ZPLD1: variants seen among roughly 807,000 people sequenced by gnomAD.
ZPLD1 encodes the protein zona pellucida-like domain-containing protein 1.
In ZPLD1, 34 loss-of-function variants were observed where a neutral mutation model predicts 47.2. The observed-to-expected ratio is 0.72, with a 90% CI of 0.55 to 0.96. ZPLD1 has a LOEUF of 0.96. ZPLD1 is among the 40% of genes least tolerant of loss of function. The pLI is 0.00. For missense variants in ZPLD1, 512 were observed against 505.8 expected (o/e 1.01, Z -0.12); for synonymous variants, 176 against 186.2 (o/e 0.95, Z 0.45).
At chr3:102,414,279 G>T (rs543201612) in intron 7 of ZPLD1, among the ~76,000 whole-genome samples, 276 of 151,904 alleles carry the variant, frequency 1.8e-3, no homozygotes, top group African/African-American at 6.5e-3. Flanking sequence ...AGAATTGTTG[G>T]TTTTAAAAGG....
At chr3:102,464,798 A>G (rs933411947) in intron 8 of ZPLD1, among the ~76,000 whole-genome samples, 2 of 152,196 alleles carry the variant, frequency 1.3e-5, no homozygotes, top group African/African-American at 4.8e-5. Context: ...TGAATGTAAT[A>G]TATATCTGGG....
intron 9 of ZPLD1, among the ~76,000 whole-genome samples, chr3:102,469,846 A>T (rs1374980550): frequency 6.6e-6 from 1 of 152,248 alleles, no homozygotes; most frequent in Non-Finnish European, 1.5e-5. Flanking sequence ...GAATAAAAAA[A>T]ATTCTATTCT....
chr3:102,402,471 AG>A (rs1706633032), intron 7 of ZPLD1, among the ~76,000 whole-genome samples: 1 of 152,068 alleles, frequency 6.6e-6, no homozygotes, highest in Non-Finnish European at 1.5e-5. Context: ...GCTGTGTAAT[AG>A]TACAGAGTAT....
rs149880792 is a variant in ZPLD1, at chr3:102,405,791, C to T, written c.-156-12269C>T. Among the ~76,000 whole-genome samples, 688 of 151,926 alleles carry T rather than the reference C, an allele frequency of 4.5e-3. 8 individuals carry two copies. Among genetic ancestry groups the T allele is most frequent in the Non-Finnish European group, 7.1e-3 (484 of 67,904 alleles). ...TCCTGTTCAATTTCTTTAAAAGAGG[C>T]CTGGATTGGGGGTGAGATGGTTTTG... On this transcript the variant is annotated intron_variant, in intron 7 of 17. Coordinates refer to the ZPLD1 transcript ENST00000491959.
At chr3:102,460,816 A>T (rs1039004451) in intron 6 of ZPLD1, among the ~76,000 whole-genome samples, 5 of 152,078 alleles carry the variant, frequency 3.3e-5, no homozygotes, top group African/African-American at 1.2e-4. Flanking sequence ...TGTTGTAAAG[A>T]AAGTAAGCAT....
chr3:102,438,607 T>C lies in ZPLD1; in HGVS notation c.106+14T>C. The C allele has an allele frequency of 6.4e-7, 1 of 1,571,452 alleles. No homozygotes were observed. The highest frequency in any genetic ancestry group is 8.8e-7 in the Non-Finnish European group (1 of 1,142,856). ...GTAGATTTCCTGGTAAGTGTAAGCCTAATCTATTCTCTAGTTGTTTCTGGA... is the reference window on the plus strand; with the variant it reads ...GTAGATTTCCTGGTAAGTGTAAGCCCAATCTATTCTCTAGTTGTTTCTGGA... On this transcript the variant is annotated intron_variant, in intron 3 of 11. Coordinates refer to ENST00000466937, the MANE Select transcript of ZPLD1 (RefSeq NM_001329788.2).
chr3:102,402,576 A>G (rs1052983503), intron 7 of ZPLD1, among the ~76,000 whole-genome samples: 3 of 152,018 alleles, frequency 2.0e-5, no homozygotes, highest in Non-Finnish European at 4.4e-5. Flanking sequence ...AGCTCAGTCT[A>G]TTTAAGGTAG....
intron 3 of ZPLD1, among the ~76,000 whole-genome samples, chr3:102,447,668 A>C (rs964678073): frequency 6.6e-6 from 1 of 152,224 alleles, no homozygotes; most frequent in Non-Finnish European, 1.5e-5. Context: ...ACTGAAAATG[A>C]TGCAGTCTAT....
Position 102,453,016 on chromosome 3 carries a change from G to A in ZPLD1, c.204G>A (p.Leu68=), listed in dbSNP as rs200244028. ...TCTCGGGTTATTCGGAAACAGATCTGGCACTGAATGGAAGGCATGGGGACT... is the reference window on the plus strand; with the variant it reads ...TCTCGGGTTATTCGGAAACAGATCTAGCACTGAATGGAAGGCATGGGGACT... ...VLFSGYSETD[L]ALNGRHGDSH... is the part of the protein sequence containing the mutation. Residue 68 remains leucine (L), a synonymous_variant, in exon 4 of 12, where the codon CTG becomes CTA. Coordinates refer to ENST00000466937, the MANE Select transcript of ZPLD1 (RefSeq NM_001329788.2). 1 of 1,614,112 alleles carries A rather than the reference G, an allele frequency of 6.2e-7. No homozygotes were observed. Among genetic ancestry groups the A allele is most frequent in the African/African-American group, 1.3e-5 (1 of 75,038 alleles).
chr3:102,391,053 G>A (rs1314161372), intron 6 of ZPLD1, among the ~76,000 whole-genome samples: 1 of 152,050 alleles, frequency 6.6e-6, no homozygotes, highest in Admixed American at 6.6e-5. Context: ...CACATGCTTT[G>A]CTTTTGGTAT....
chr3:102,453,379 A>G (rs1707368683), intron 4 of ZPLD1, among the ~76,000 whole-genome samples: 1 of 152,230 alleles, frequency 6.6e-6, no homozygotes, highest in African/African-American at 2.4e-5. Flanking sequence ...CCCTCTAAGC[A>G]GCATTATTTT....
At chr3:102,411,675 C>T (rs1323558962) in intron 7 of ZPLD1, among the ~76,000 whole-genome samples, 1 of 151,680 alleles carries the variant, frequency 6.6e-6, no homozygotes, top group East Asian at 1.9e-4. Flanking sequence ...AATGAGTCAA[C>T]TCAAATAGAA....
intron 10 of ZPLD1, among the ~76,000 whole-genome samples, chr3:102,474,278 G>A (rs1707726023): frequency 6.6e-6 from 1 of 152,136 alleles, no homozygotes. Flanking sequence ...ACCAACACCA[G>A]AAAACAATAC....
intron 4 of ZPLD1, among the ~76,000 whole-genome samples, chr3:102,453,341 C>T (rs909914226): frequency 1.3e-5 from 2 of 152,160 alleles, no homozygotes; most frequent in African/African-American, 4.8e-5. Flanking sequence ...AGTAGTGGGG[C>T]AGTCAAAGGG....
At chr3:102,469,275 T>A in intron 9 of ZPLD1, 140 bp downstream of exon 9, 1 of 923,566 alleles carries the variant, frequency 1.1e-6, no homozygotes, top group Non-Finnish European at 1.6e-6. Flanking sequence ...TTCATTTGTC[T>A]AGTAAAGATC....
chr3:102,475,120 C>T (rs1486120885), intron 10 of ZPLD1, among the ~76,000 whole-genome samples: 3 of 151,942 alleles, frequency 2.0e-5, no homozygotes, highest in East Asian at 1.9e-4. Flanking sequence ...TCACAGGTTT[C>T]GATTTCAACC....
At chr3:102,477,361 A>G in intron 11 of ZPLD1, 82 bp from the exon 12 acceptor site, 1 of 1,366,768 alleles carries the variant, frequency 7.3e-7, no homozygotes, top group Non-Finnish European at 1.0e-6. Context: ...CTGATGAAAG[A>G]TGTTTTGCAG....
intron 7 of ZPLD1, among the ~76,000 whole-genome samples, chr3:102,415,815 G>A (rs1706798946): frequency 6.6e-6 from 1 of 151,760 alleles, no homozygotes; most frequent in South Asian, 2.1e-4. Flanking sequence ...GACTTTTAAA[G>A]GATGACAGGA....
chr3:102,456,607 A>T (rs1707421590), intron 5 of ZPLD1, among the ~76,000 whole-genome samples: 1 of 142,712 alleles, frequency 7.0e-6, no homozygotes, highest in Admixed American at 7.1e-5. Context: ...AATTGTTATG[A>T]TCCATAACAG....
Sources: gnomAD v4.1 joint callset for allele counts (sites outside exome capture counted in the v4.1 genomes callset) on GRCh38, gnomAD v4.1.1 for gene constraint, MANE v1.5 for transcripts, NCBI Gene and HGNC (gene_info 2026-07-23, HGNC 2026-07-21) for gene names.